The following H2AZ2 variants were observed in gnomAD, a reference collection of about 807,000 sequenced individuals.
H2AZ2 encodes histone H2A.V.
H2AZ2 carries 5 observed loss-of-function variants against 15.5 expected under a neutral mutation model. The observed-to-expected ratio is 0.32, with a 90% CI of 0.17 to 0.68. The LOEUF (loss-of-function observed/expected upper bound fraction) is 0.68, where lower values mean the gene tolerates loss of function less well. Among genes scored for constraint, H2AZ2 ranks in the 30% least tolerant of loss-of-function variants. The pLI is 0.72. For missense variants in H2AZ2, 42 were observed against 162.5 expected (o/e 0.26, Z 4.03); for synonymous variants, 44 against 57.4 (o/e 0.77, Z 1.05).
chr7:44,830,255 A>G (rs979386249), downstream of H2AZ2: 22 of 1,256,064 alleles, frequency 1.8e-5, no homozygotes, highest in South Asian at 2.0e-4. Flanking sequence ...TGGATAAAAT[A>G]CAAGTAAAAT....
In H2AZ2 at chr7:44,833,470, C is replaced by T. The variant is rs192579728; in HGVS notation, c.*1031G>A. 1.3e-5 allele frequency: 2 copies of T among 152,516 alleles called. No individual in the cohort carries two copies. Among genetic ancestry groups the T allele is most frequent in the African/African-American group, 4.8e-5 (2 of 41,418 alleles). The allele number at this position is 152,516 out of a possible 1,614,324, so 9.4% of individuals were successfully genotyped here. A position where few individuals can be genotyped will look rare whatever the true frequency, so the allele number is the denominator to read the frequency against. On this transcript the variant is annotated 3_prime_UTR_variant, in exon 5 of 5. Coordinates refer to ENST00000308153, the MANE Select transcript of H2AZ2 (RefSeq NM_012412.5). Reference sequence around the variant, plus strand: ...CAGGATGGTCTCGATTTCCTGACCTCGTGATTCACCCACCTTGGCCTCCCA... The same window carrying T: ...CAGGATGGTCTCGATTTCCTGACCTTGTGATTCACCCACCTTGGCCTCCCA...
chr7:44,847,828 C>A (rs1263590435), intron 1 of H2AZ2, 141 bp downstream of exon 1: 10 of 1,188,976 alleles, frequency 8.4e-6, no homozygotes, highest in East Asian at 3.0e-5. Flanking sequence ...ATGGCGCCCC[C>A]CGGCGGGCGG....
At chr7:44,827,286 T>C (rs2117015037), downstream of H2AZ2, 1 of 152,332 alleles carries the variant, frequency 6.6e-6, no homozygotes, top group African/African-American at 2.4e-5. Flanking sequence ...AAAGAACTAA[T>C]CTTTAGTCTA....
intron 4 of H2AZ2, 31 bp downstream of exon 4, chr7:44,835,498 T>A: frequency 6.3e-7 from 1 of 1,594,432 alleles, no homozygotes; most frequent in East Asian, 2.2e-5. Context: ...GAAAGACCAA[T>A]AAGAATCAAG....
downstream of H2AZ2, chr7:44,829,023 A>C (rs1341874098): frequency 1.3e-5 from 2 of 152,182 alleles, no homozygotes; most frequent in Non-Finnish European, 2.9e-5. Flanking sequence ...CCAGGATAAT[A>C]TCTCTATTTT....
At chr7:44,828,998 G>A (rs1182479123), downstream of H2AZ2, 2 of 152,156 alleles carry the variant, frequency 1.3e-5, no homozygotes, top group Non-Finnish European at 2.9e-5. Flanking sequence ...ATTACACTGG[G>A]TTCCCCCAGG....
intron 1 of H2AZ2, among the ~76,000 whole-genome samples, chr7:44,847,469 A>C (rs1021405696): frequency 4.6e-5 from 7 of 152,186 alleles, no homozygotes; most frequent in African/African-American, 1.7e-4. Context: ...GTTCTGGTCT[A>C]TAAAACCATT....
At chr7:44,847,856 C>T (rs1333388633) in intron 1 of H2AZ2, 113 bp downstream of exon 1, 4 of 1,425,152 alleles carry the variant, frequency 2.8e-6, no homozygotes, top group Non-Finnish European at 3.7e-6. Context: ...CTCGGCCGGA[C>T]GAAGCCCAGA....
chr7:44,842,851 G>A (rs1388341534), intron 2 of H2AZ2, among the ~76,000 whole-genome samples: 1 of 151,930 alleles, frequency 6.6e-6, no homozygotes, highest in African/African-American at 2.4e-5. Flanking sequence ...TGATTAAAAG[G>A]GTTTCTCAGC....
At chr7:44,841,765 C>T (rs62460521) in intron 2 of H2AZ2, among the ~76,000 whole-genome samples, 7,311 of 152,240 alleles carry the variant, frequency 0.048, 239 homozygotes, top group Admixed American at 0.076. Context: ...CACTGTGCCC[C>T]GCCAGTCTGT....
At chr7:44,842,437 A>G (rs1793295435) in intron 2 of H2AZ2, among the ~76,000 whole-genome samples, 1 of 152,164 alleles carries the variant, frequency 6.6e-6, no homozygotes, top group Non-Finnish European at 1.5e-5. Context: ...TGAACTTCAA[A>G]ATGATTCCAT....
chr7:44,847,854 G>A lies in H2AZ2; in HGVS notation c.3+115C>T. The A allele has an allele frequency of 2.8e-6, 4 of 1,415,344 alleles. No individual in the cohort carries two copies. The East Asian group carries it at 1.1e-4, about 40-fold the overall frequency. The allele number at this position is 1,415,344 out of a possible 1,614,324, so 87.7% of individuals were successfully genotyped here. A position where few individuals can be genotyped will look rare whatever the true frequency, so the allele number is the denominator to read the frequency against. ...CGGCGGGCGGCGAGGGGCTCGGCCG[G>A]ACGAAGCCCAGACACCCGCAAACTC... On this transcript the variant is annotated intron_variant, in intron 1 of 4. Transcript: ENST00000308153.
intron 1 of H2AZ2, among the ~76,000 whole-genome samples, chr7:44,846,633 C>CA (rs948757945): frequency 1.9e-4 from 22 of 113,644 alleles, no homozygotes; most frequent in Admixed American, 3.7e-4. Context: ...CAAAAAACCA[C>CA]AAAAAACAAA....
chr7:44,845,786 A>G (rs1279184873), intron 1 of H2AZ2, among the ~76,000 whole-genome samples: 1 of 152,166 alleles, frequency 6.6e-6, no homozygotes, highest in Non-Finnish European at 1.5e-5. Context: ...GATTCCTGAT[A>G]CATTTCTCAT....
At chr7:44,835,693 G>A in intron 3 of H2AZ2, 35 bp from the exon 4 acceptor site, 1 of 1,537,758 alleles carries the variant, frequency 6.5e-7, no homozygotes, top group East Asian at 2.3e-5. Flanking sequence ...ATCAAATGAA[G>A]GACCTAGGAT....
chr7:44,846,218 C>G (rs755875066), intron 1 of H2AZ2, among the ~76,000 whole-genome samples: 3 of 152,162 alleles, frequency 2.0e-5, no homozygotes, highest in Admixed American at 6.5e-5. Flanking sequence ...AACGACAACT[C>G]AATGTCTCCT....
chr7:44,842,934 A>T (rs745866459), intron 2 of H2AZ2, among the ~76,000 whole-genome samples: 43 of 151,874 alleles, frequency 2.8e-4, no homozygotes, highest in Non-Finnish European at 5.0e-4. Context: ...AGGTCAAGAG[A>T]TTGAGACCAT....
chr7:44,838,365 C>T (rs1437104933), intron 3 of H2AZ2, among the ~76,000 whole-genome samples: 1 of 151,704 alleles, frequency 6.6e-6, no homozygotes, highest in African/African-American at 2.4e-5. Flanking sequence ...GCCAGGTGGC[C>T]TCTTTTAATA....
chr7:44,838,707 A>G (rs1793193192), intron 3 of H2AZ2, among the ~76,000 whole-genome samples: 1 of 152,224 alleles, frequency 6.6e-6, no homozygotes, highest in African/African-American at 2.4e-5. Flanking sequence ...ATCATGACAC[A>G]GAGAAGCTGA....
Sources: gnomAD v4.1 joint callset for allele counts (sites outside exome capture counted in the v4.1 genomes callset) on GRCh38, gnomAD v4.1.1 for gene constraint, MANE v1.5 for transcripts, NCBI Gene and HGNC (gene_info 2026-07-23, HGNC 2026-07-21) for gene names.